CRYBG3: variants seen among roughly 807,000 people sequenced by gnomAD.
The protein encoded by CRYBG3 is very large A-kinase anchor protein.
Under a neutral mutation model 244.2 loss-of-function variants are expected in CRYBG3, and 127 were observed. That is an observed-to-expected ratio of 0.52 (90% CI 0.45 to 0.60). The LOEUF (loss-of-function observed/expected upper bound fraction) is 0.60. Among genes scored for constraint, CRYBG3 ranks in the 20% least tolerant of loss-of-function variants. CRYBG3 has a pLI of 0.00. For synonymous variants in CRYBG3, 1,132 were observed against 1,195.8 expected, an observed-to-expected ratio of 0.95 and a Z score of 1.10; for missense variants, 3,325 against 3,442.5, an observed-to-expected ratio of 0.97 and a Z score of 0.85.
At chr3:97,908,591 A>G (rs1234311666) in intron 15 of CRYBG3, among the ~76,000 whole-genome samples, 3 of 151,590 alleles carry the variant, frequency 2.0e-5, no homozygotes, top group South Asian at 2.1e-4. Context: ...TTTGTTTTCC[A>G]TTTGCTTCAT....
intron 12 of CRYBG3, among the ~76,000 whole-genome samples, chr3:97,896,928 A>C (rs1490391955): frequency 6.6e-6 from 1 of 152,166 alleles, no homozygotes; most frequent in Non-Finnish European, 1.5e-5. Context: ...AGAACTTTGG[A>C]AAGATGAATC....
rs2040309300 is a variant in CRYBG3 at position 97,944,593 on chromosome 3, T to A, written c.*1279T>A. 1 of 152,286 alleles carries A rather than the reference T, an allele frequency of 6.6e-6. No individual in the cohort carries two copies. Among genetic ancestry groups the A allele is most frequent in the Admixed American group, 6.6e-5 (1 of 15,200 alleles). 9.4% of individuals were successfully genotyped at this position (152,286 alleles called of 1,614,324 possible). On this transcript the variant is annotated 3_prime_UTR_variant, in exon 22 of 22. Transcript: ENST00000389622. ...TTTTTATAGACTTTAAATACTGGGT[T>A]TTTTTCCTCCTTCAATCTCAGGCTT... is the stretch of plus-strand genomic sequence containing the variant.
At position 97,896,033 on chromosome 3, in the gene CRYBG3, A is replaced by T; in HGVS notation, c.7649A>T (p.Asn2550Ile). ...GAAGAAGGAGACTTTGAAGACAGTA[A>T]TGCTTGTGGTGCATTAAGTAGCCCT... Reference protein sequence around the residue: ...LLEEGDFEDSNACGALSSPIL... With the variant: ...LLEEGDFEDSIACGALSSPIL... The change falls in exon 12 of 22, where the codon AAT (asparagine) becomes ATT (isoleucine). Residue 2550 changes from asparagine (N) to isoleucine (I), a missense_variant. Around this residue, in one of 4 missense-constraint regions of CRYBG3, gnomAD observed 714 missense variants for 803.6 expected, o/e 0.89. Coordinates refer to ENST00000389622, the MANE Select transcript of CRYBG3 (RefSeq NM_153605.4). The T allele has an allele frequency of 1.2e-6, 2 of 1,613,636 alleles. No individual in the cohort carries two copies. The highest frequency in any genetic ancestry group is 2.7e-5 in the African/African-American group (2 of 75,018).
chr3:97,886,640 A>G lies in CRYBG3; in HGVS notation c.7162A>G (p.Ile2388Val). Reference sequence around the variant, plus strand: ...TATTTTTTTTTTTCAGGACTGCAGCATTCCAGAAATAGAGCTTTTCCCACA... The same window carrying G: ...TATTTTTTTTTTTCAGGACTGCAGCGTTCCAGAAATAGAGCTTTTCCCACA... Reference protein sequence around the residue: ...SLKRVLKDCSIPEIELFPQSD... With the variant: ...SLKRVLKDCSVPEIELFPQSD... Residue 2388 changes from isoleucine to valine, a missense_variant, in exon 8 of 22, where the codon ATT (isoleucine) becomes GTT (valine). Coordinates refer to ENST00000389622, the MANE Select transcript of CRYBG3 (RefSeq NM_153605.4). The G allele has an allele frequency of 6.2e-7, 1 of 1,603,250 alleles. No individual in the cohort carries two copies. The highest frequency in any genetic ancestry group is 8.5e-7 in the Non-Finnish European group (1 of 1,176,880).
intron 17 of CRYBG3, among the ~76,000 whole-genome samples, chr3:97,928,175 T>C (rs185016568): frequency 4.6e-5 from 7 of 151,982 alleles, no homozygotes; most frequent in African/African-American, 1.7e-4. Context: ...TTGGACTGGA[T>C]AAAGAAAATG....
At chr3:97,858,751 T>A (rs1432456253) in intron 2 of CRYBG3, among the ~76,000 whole-genome samples, 1 of 152,206 alleles carries the variant, frequency 6.6e-6, no homozygotes, top group African/African-American at 2.4e-5. Context: ...TCTGTATTTT[T>A]TCGTATCTTG....
chr3:97,940,412 T>C (rs1390595795), intron 19 of CRYBG3, among the ~76,000 whole-genome samples: 1 of 152,044 alleles, frequency 6.6e-6, no homozygotes, highest in Non-Finnish European at 1.5e-5. Flanking sequence ...GTGGTTATTC[T>C]GACAAATAAC....
At chr3:97,900,570 A>T (rs2039695660) in intron 15 of CRYBG3, 85 bp downstream of exon 15, 1 of 880,634 alleles carries the variant, frequency 1.1e-6, no homozygotes, top group Non-Finnish European at 1.8e-6. Flanking sequence ...TCTTTTCTGC[A>T]GATAACTTTT....
chr3:97,832,265 A>G (rs570008175), intron 1 of CRYBG3, among the ~76,000 whole-genome samples: 12 of 151,714 alleles, frequency 7.9e-5, no homozygotes, highest in African/African-American at 2.2e-4. Context: ...AGCCAAGACA[A>G]TCCTAAGGAA....
intron 15 of CRYBG3, among the ~76,000 whole-genome samples, chr3:97,910,857 C>G (rs113170917): frequency 4.8e-3 from 729 of 152,244 alleles, no homozygotes; most frequent in Non-Finnish European, 7.1e-3. Context: ...GCTTTTTAGC[C>G]TCACATTTTA....
intron 10 of CRYBG3, among the ~76,000 whole-genome samples, chr3:97,890,773 A>C (rs35239735): frequency 6.6e-6 from 1 of 152,164 alleles, no homozygotes; most frequent in Non-Finnish European, 1.5e-5. Context: ...ACATTTGTGC[A>C]CAAATTATTC....
chr3:97,896,397 T>C (rs780214357), intron 12 of CRYBG3, among the ~76,000 whole-genome samples: 3 of 152,142 alleles, frequency 2.0e-5, no homozygotes, highest in Non-Finnish European at 4.4e-5. Context: ...CTTATATAAA[T>C]GTTTGGTATT....
intron 1 of CRYBG3, among the ~76,000 whole-genome samples, chr3:97,842,204 T>C (rs1313034473): frequency 1.3e-5 from 2 of 152,164 alleles, no homozygotes; most frequent in Admixed American, 1.3e-4. Flanking sequence ...AGAGTGAAGC[T>C]ACTTAATTTG....
chr3:97,916,962 T>C (rs1376314745), intron 17 of CRYBG3, among the ~76,000 whole-genome samples: 2 of 152,186 alleles, frequency 1.3e-5, no homozygotes, highest in Admixed American at 6.5e-5. Flanking sequence ...AGGTAGTCCA[T>C]GTTTACTGGA....
chr3:97,883,821 C>T (rs1453210008), intron 7 of CRYBG3, among the ~76,000 whole-genome samples: 3 of 152,182 alleles, frequency 2.0e-5, no homozygotes, highest in Non-Finnish European at 4.4e-5. Flanking sequence ...CAGAATTCTT[C>T]CTATCGTTGC....
At chr3:97,867,320 T>A (rs2039245847) in intron 3 of CRYBG3, among the ~76,000 whole-genome samples, 1 of 152,234 alleles carries the variant, frequency 6.6e-6, no homozygotes, top group Admixed American at 6.5e-5. Context: ...CAACCTGTTA[T>A]GCTTTGAAGA....
chr3:97,875,053 A>C lies in CRYBG3; in HGVS notation c.3859A>C (p.Asn1287His), dbSNP rs2039354697. 1.3e-6 allele frequency: 2 copies of C among 1,534,330 alleles called. No individual in the cohort carries two copies. Among genetic ancestry groups the C allele is most frequent in the Admixed American group, 3.9e-5 (2 of 50,702 alleles). ...PCVSPTVGEK[N>H]LLVDPNSMNV... Reference sequence around the variant, plus strand: ...TGTTTCACCAACAGTTGGTGAGAAGAATCTTCTTGTTGATCCTAATAGTAT... The same window carrying C: ...TGTTTCACCAACAGTTGGTGAGAAGCATCTTCTTGTTGATCCTAATAGTAT... The change falls in exon 4 of 22, where the codon AAT (asparagine) becomes CAT (histidine). Residue 1287 changes from asparagine to histidine, a missense_variant. Physicochemically the swap from Asn to His is moderately conservative, Grantham distance 68. This residue lies in a region of CRYBG3 where 635 missense variants were observed against 771.7 expected (regional missense o/e 0.82). Transcript: ENST00000389622.
At position 97,915,657 on chromosome 3, in the gene CRYBG3, TAGA is replaced by T; in HGVS notation, c.8168_8170del (p.Glu2723del). On this transcript the variant is annotated inframe_deletion, in exon 17 of 22. Coordinates refer to ENST00000389622, the MANE Select transcript of CRYBG3 (RefSeq NM_153605.4). ...GACATGTTTGTTAATCACTGTGTGT[TAGA>T]AGAAGGCCTCTATGCTGACCTTACT... 6.2e-7 allele frequency: 1 copy of T among 1,613,076 alleles called. No individual in the cohort carries two copies. The highest frequency in any genetic ancestry group is 8.5e-7 in the Non-Finnish European group (1 of 1,179,218).
rs757082650 is a variant in CRYBG3, at chr3:97,886,694, A to C, written c.7216A>C (p.Ile2406Leu). 2.5e-6 allele frequency: 4 copies of C among 1,612,990 alleles called. No individual in the cohort carries two copies. Among genetic ancestry groups the C allele is most frequent in the Non-Finnish European group, 3.4e-6 (4 of 1,179,442 alleles). The change falls in exon 8 of 22, where the codon ATA becomes CTA. Residue 2406 changes from isoleucine to leucine, a missense_variant. Ile to Leu is a conservative substitution (Grantham distance 5). Coordinates refer to ENST00000389622, the MANE Select transcript of CRYBG3 (RefSeq NM_153605.4). ...QSDPACCPVY[I>L]QRAVPNLEEL... Reference sequence around the variant, plus strand: ...TGACCCAGCCTGTTGTCCTGTCTACATACAGAGAGCAGTCCCCAATTTGGA... The same window carrying C: ...TGACCCAGCCTGTTGTCCTGTCTACCTACAGAGAGCAGTCCCCAATTTGGA...
Sources: allele counts gnomAD v4.1 joint callset (sites outside exome capture counted in the v4.1 genomes callset), GRCh38; gene constraint gnomAD v4.1.1; regional missense constraint gnomAD v4.1.1; transcripts MANE v1.5; gene names NCBI Gene and HGNC (gene_info 2026-07-23, HGNC 2026-07-21).